The following KIRREL3 variants were observed in gnomAD, a reference collection of about 807,000 sequenced individuals.
KIRREL3 encodes the protein kin of IRRE-like protein 3.
A neutral mutation model predicts 89.7 loss-of-function variants in KIRREL3; 36 were observed. The observed-to-expected ratio is 0.40, with a 90% CI of 0.31 to 0.53. KIRREL3 has a LOEUF of 0.53. Ranked by LOEUF, KIRREL3 falls within the 20% of genes least tolerant of loss-of-function variation. KIRREL3 has a pLI of 0.49. For synonymous variants in KIRREL3, 445 were observed against 441.4 expected, an observed-to-expected ratio of 1.01 and a Z score of -0.10; for missense variants, 864 against 1,056.6, an observed-to-expected ratio of 0.82 and a Z score of 2.53.
chr11:126,450,819 G>T (rs548953933), intron 7 of KIRREL3, among the ~76,000 whole-genome samples: 2 of 150,414 alleles, frequency 1.3e-5, no homozygotes, highest in Non-Finnish European at 3.0e-5. Flanking sequence ...GAAAGTGTGG[G>T]CATATGTGTG....
rs576127343 is a variant in KIRREL3, at chr11:126,626,718, C to T, written c.56-63806G>A. Among the ~76,000 whole-genome samples the T allele has an allele frequency of 1.7e-3, 258 of 152,338 alleles. 1 individual carries two copies. The Middle Eastern group carries it at 0.02, about 12-fold the overall frequency. On this transcript the variant is annotated intron_variant, in intron 1 of 16. Coordinates refer to ENST00000525144, the MANE Select transcript of KIRREL3 (RefSeq NM_032531.4). ...AAGAATAACCACAGTTTTGGCTGGGCGCGGTGGCTCACGCCTGTAATCCCA... is the reference window on the plus strand; with the variant it reads ...AAGAATAACCACAGTTTTGGCTGGGTGCGGTGGCTCACGCCTGTAATCCCA...
At position 126,989,408 on chromosome 11, in the gene KIRREL3, G is replaced by A. The variant is rs75422186; in HGVS notation, c.55+11047C>T. On this transcript the variant is annotated intron_variant, in intron 1 of 16. Coordinates refer to ENST00000525144, the MANE Select transcript of KIRREL3 (RefSeq NM_032531.4). This position sits in a 1 kb window ranked among gnomAD's most constrained non-coding sequence, Gnocchi z 6.2. ...GACTCTGATGGTGAGTCAGCTGAGG[G>A]AAGCTGCTGGGGTCTCAGCACACCG... is the stretch of plus-strand genomic sequence containing the variant. 0.086 allele frequency among the ~76,000 whole-genome samples: 13,111 copies of A among 152,140 alleles called. 1,368 individuals are homozygous for A. The highest frequency in any genetic ancestry group is 0.25 in the African/African-American group (10,156 of 41,438).
In KIRREL3 at chr11:126,903,988, C is replaced by A. The variant is rs1470947946; in HGVS notation, c.55+96467G>T. ...TACAAGGTGACCCTATAATAGCTATCCCCTTGGTAGATAGCACATCTCAAC... is the reference window on the plus strand; with the variant it reads ...TACAAGGTGACCCTATAATAGCTATACCCTTGGTAGATAGCACATCTCAAC... On this transcript the variant is annotated intron_variant, in intron 1 of 16. Transcript: ENST00000525144. This position sits in a 1 kb window ranked among gnomAD's most constrained non-coding sequence, Gnocchi z 4.5. Among the ~76,000 whole-genome samples, 1 of 152,118 alleles carries A rather than the reference C, an allele frequency of 6.6e-6. No homozygotes were observed. Among genetic ancestry groups the A allele is most frequent in the Non-Finnish European group, 1.5e-5 (1 of 68,020 alleles).
chr11:126,798,226 C>T (rs186208724), intron 1 of KIRREL3, among the ~76,000 whole-genome samples: 62 of 151,954 alleles, frequency 4.1e-4, no homozygotes, highest in African/African-American at 2.4e-4. Flanking sequence ...TCTGAGATCC[C>T]GGGTGCACAG....
rs998358299 is a variant in KIRREL3 at position 126,843,082 on chromosome 11, C to T, written c.55+157373G>A. Among the ~76,000 whole-genome samples the T allele has an allele frequency of 6.6e-6, 1 of 152,094 alleles. No individual in the cohort carries two copies. The highest frequency in any genetic ancestry group is 1.5e-5 in the Non-Finnish European group (1 of 68,026). The stretch of plus-strand genomic sequence containing the variant: ...CCAAAGTCAAACTGAGGGGCTGGCT[C>T]ACATTTCTATATAACAGTGTCCTCG... On this transcript the variant is annotated intron_variant, in intron 1 of 16. Coordinates refer to ENST00000525144, the MANE Select transcript of KIRREL3 (RefSeq NM_032531.4). The surrounding 1 kb of genome is among the most constrained non-coding windows in gnomAD (Gnocchi z 4.6).
At chr11:126,888,769 C>T (rs1305860250) in intron 1 of KIRREL3, among the ~76,000 whole-genome samples, 1 of 152,148 alleles carries the variant, frequency 6.6e-6, no homozygotes, top group Non-Finnish European at 1.5e-5. Context: ...GACAACAGAC[C>T]AGGCCCTAGA....
chr11:126,934,546 A>G (rs990892594), intron 1 of KIRREL3, among the ~76,000 whole-genome samples: 7 of 152,182 alleles, frequency 4.6e-5, no homozygotes, highest in Non-Finnish European at 8.8e-5. Context: ...TGAATCATAT[A>G]CTTGATAAAT....
chr11:126,662,163 A>G (rs918486857), intron 1 of KIRREL3, among the ~76,000 whole-genome samples: 3 of 152,206 alleles, frequency 2.0e-5, no homozygotes, highest in Non-Finnish European at 4.4e-5. Context: ...TGGTGTTTCT[A>G]TCGCTAGTCA....
At chr11:126,447,112 CCT>C (rs1437666930) in intron 8 of KIRREL3, among the ~76,000 whole-genome samples, 1 of 152,038 alleles carries the variant, frequency 6.6e-6, no homozygotes, top group African/African-American at 2.4e-5. Flanking sequence ...TGAGGCTTCG[CCT>C]CTCTTGGGCC....
intron 1 of KIRREL3, among the ~76,000 whole-genome samples, chr11:126,866,690 C>A (rs1565366571): frequency 6.6e-6 from 1 of 151,968 alleles, no homozygotes; most frequent in Non-Finnish European, 1.5e-5. Flanking sequence ...AACCCCGAGA[C>A]CCTAGCAGGG....
rs1234842317 is a variant in KIRREL3, at chr11:126,537,464, T to TG, written c.134-10778dup. Among the ~76,000 whole-genome samples the TG allele has an allele frequency of 1.3e-5, 2 of 152,014 alleles. No homozygotes were observed. The highest frequency in any genetic ancestry group is 2.9e-5 in the Non-Finnish European group (2 of 67,990). ...GCATCCTGGAGGAGGAATCATAATA[T>TG]GGGGAAAGTAATGGAGGAGAAATGT... On this transcript the variant is annotated intron_variant, in intron 2 of 16. Coordinates refer to ENST00000525144, the MANE Select transcript of KIRREL3 (RefSeq NM_032531.4). This position sits in a 1 kb window ranked among gnomAD's most constrained non-coding sequence, Gnocchi z 4.3.
intron 1 of KIRREL3, among the ~76,000 whole-genome samples, chr11:126,580,836 G>GTTTTT (rs58691243): frequency 2.8e-5 from 4 of 140,812 alleles, no homozygotes; most frequent in Non-Finnish European, 3.1e-5. Flanking sequence ...GGAATTTCCT[G>GTTTTT]TTTTTTTTTT....
chr11:126,916,903 A>G (rs1408098149), intron 1 of KIRREL3, among the ~76,000 whole-genome samples: 1 of 152,184 alleles, frequency 6.6e-6, no homozygotes, highest in Non-Finnish European at 1.5e-5. Context: ...GTAAGGCATA[A>G]TCAAAAGGGG....
intron 1 of KIRREL3, among the ~76,000 whole-genome samples, chr11:126,933,085 T>TG (rs1200673368): frequency 6.6e-6 from 1 of 152,012 alleles, no homozygotes. Context: ...TTGGAAGGGG[T>TG]GGGGTATCAG....
chr11:126,592,658 G>A (rs1019760147), intron 1 of KIRREL3, among the ~76,000 whole-genome samples: 16 of 152,200 alleles, frequency 1.1e-4, no homozygotes, highest in Non-Finnish European at 2.9e-5. Context: ...GGGAAACAGC[G>A]CGCCTGGGGC....
At position 126,837,747 on chromosome 11, in the gene KIRREL3, A is replaced by G. The variant is rs1436418768; in HGVS notation, c.55+162708T>C. ...TGACAAACTATTGTGATTAAAGGTG[A>G]TTTTGTCAAAGCATAACACTACCTC... On this transcript the variant is annotated intron_variant, in intron 1 of 16. Coordinates refer to ENST00000525144, the MANE Select transcript of KIRREL3 (RefSeq NM_032531.4). This position sits in a 1 kb window ranked among gnomAD's most constrained non-coding sequence, Gnocchi z 4.7. 6.6e-6 allele frequency among the ~76,000 whole-genome samples: 1 copy of G among 152,162 alleles called. No individual in the cohort carries two copies. The highest frequency in any genetic ancestry group is 2.4e-5 in the African/African-American group (1 of 41,432).
intron 1 of KIRREL3, among the ~76,000 whole-genome samples, chr11:126,968,822 G>A (rs560813322): frequency 6.6e-6 from 1 of 152,072 alleles, no homozygotes; most frequent in African/African-American, 2.4e-5. Flanking sequence ...AAGGGGCAGG[G>A]GCAGTAGATG....
rs1943578695 is a variant in KIRREL3, at chr11:126,830,775, A to G, written c.55+169680T>C. ...TCTCAAATAGTGCACTCCCTGTGCC[A>G]AGGAGGGGTATCATTGTTTATGTCA... On this transcript the variant is annotated intron_variant, in intron 1 of 16. Coordinates refer to ENST00000525144, the MANE Select transcript of KIRREL3 (RefSeq NM_032531.4). This position sits in a 1 kb window ranked among gnomAD's most constrained non-coding sequence, Gnocchi z 4.9. Among the ~76,000 whole-genome samples the G allele has an allele frequency of 6.6e-6, 1 of 152,212 alleles. No homozygotes were observed. The highest frequency in any genetic ancestry group is 2.4e-5 in the African/African-American group (1 of 41,452).
chr11:126,624,553 A>C lies in KIRREL3; in HGVS notation c.56-61641T>G, dbSNP rs1417245550. Among the ~76,000 whole-genome samples the C allele has an allele frequency of 6.6e-6, 1 of 152,174 alleles. No homozygotes were observed. Among genetic ancestry groups the C allele is most frequent in the Non-Finnish European group, 1.5e-5 (1 of 68,032 alleles). ...CCCTTCCCATTCCCGGTGCCTTCCC[A>C]GTGTGCTTGGAACACTCTACTGTGT... On this transcript the variant is annotated intron_variant, in intron 1 of 16. Coordinates refer to ENST00000525144, the MANE Select transcript of KIRREL3 (RefSeq NM_032531.4). The surrounding 1 kb of genome is among the most constrained non-coding windows in gnomAD (Gnocchi z 6.0).
Sources: allele counts gnomAD v4.1 joint callset (sites outside exome capture counted in the v4.1 genomes callset), GRCh38; gene constraint gnomAD v4.1.1; non-coding constraint Gnocchi (gnomAD v3.1); transcripts MANE v1.5; gene names NCBI Gene and HGNC (gene_info 2026-07-23, HGNC 2026-07-21).